CELSR2: variants seen among roughly 807,000 people sequenced by gnomAD.
The protein encoded by CELSR2 is EGF-like protein 2.
A neutral mutation model predicts 251.6 loss-of-function variants in CELSR2; 81 were observed. The observed-to-expected ratio is 0.32, with a 90% CI of 0.27 to 0.39. CELSR2 has a LOEUF of 0.39. CELSR2 is among the 10% of genes least tolerant of loss of function. The pLI, the probability that CELSR2 is intolerant of heterozygous loss-of-function variation, is 1.00. For synonymous variants in CELSR2, 1,721 were observed against 1,670.5 expected (o/e 1.03, Z -0.74); for missense variants, 3,365 against 3,947.7 (o/e 0.85, Z 3.96).
At chr1:109,270,747 A>G in intron 24 of CELSR2, 147 bp downstream of exon 24, 1 of 1,144,728 alleles carries the variant, frequency 8.7e-7, no homozygotes, top group Non-Finnish European at 1.2e-6. Context: ...GGTTTAACCC[A>G]GACTCTGCAG....
rs752490979 is a variant in CELSR2, at chr1:109,272,366, C to T, written c.8015C>T (p.Ser2672Leu). Residue 2672 changes from serine to leucine, a missense_variant, in exon 29 of 34, where the codon TCG becomes TTG. By Grantham distance (145) the Ser-to-Leu change is moderately radical. Coordinates refer to ENST00000271332, the MANE Select transcript of CELSR2 (RefSeq NM_001408.3). ...SAGSLHSTSR[S>L]GKSQPSYIPF... ...GGCTCTCTGCACAGCACCAGTCGCT[C>T]GGGCAAGAGTCAGCCCAGCTACATC... The T allele has an allele frequency of 9.9e-6, 16 of 1,612,154 alleles. No individual in the cohort carries two copies. The highest frequency in any genetic ancestry group is 1.6e-4 in the Middle Eastern group (1 of 6,078).
chr1:109,273,225 G>T lies in CELSR2; in HGVS notation c.8398G>T (p.Glu2800Ter). ...WPGDFGTTAK[E>*]SSGNGAPEER... ...AGGAGACTTTGGGACCACAGCAAAA[G>T]AGAGTAGTGGCAACGGGGCCCCTGA... The change falls in exon 32 of 34, where the codon GAG becomes TAG. Residue 2800 changes from glutamate (E) to a stop codon, truncating the protein, a stop_gained. Transcript: ENST00000271332. LOFTEE classifies it high-confidence loss of function. 6.2e-7 allele frequency: 1 copy of T among 1,613,620 alleles called. No homozygotes were observed.
rs1655717280 is a variant in CELSR2, at chr1:109,252,330, A to T, written c.2251A>T (p.Met751Leu). 6.2e-7 allele frequency: 1 copy of T among 1,613,014 alleles called. No individual in the cohort carries two copies. The highest frequency in any genetic ancestry group is 1.3e-5 in the African/African-American group (1 of 74,938). Residue 751 changes from methionine to leucine, a missense_variant, in exon 1 of 34, where the codon ATG (methionine) becomes TTG (leucine). By Grantham distance (15) the Met-to-Leu change is conservative. Coordinates refer to ENST00000271332, the MANE Select transcript of CELSR2 (RefSeq NM_001408.3). This position sits in a 1 kb window ranked among gnomAD's most constrained non-coding sequence, Gnocchi z 4.8. ...TGAGAATGCCCGCATCACCTACTTC[A>T]TGGAGGACAGCATCCCCCAGTTCCG... is the stretch of plus-strand genomic sequence containing the variant. ...TGENARITYF[M>L]EDSIPQFRID...
In CELSR2 at chr1:109,269,193, G is replaced by T. The variant is rs1371814528; in HGVS notation, c.6715G>T (p.Glu2239Ter). ...ELARRQRRHP[E>*]LSQGEAVASV... ...GGCACGGCGACAGCGACGGCACCCG[G>T]AGCTGAGCCAGGGTGAGGCTGTGGC... is the stretch of plus-strand genomic sequence containing the variant. The change falls in exon 20 of 34, where the codon GAG becomes TAG. Residue 2239 changes from glutamate to a stop codon, truncating the protein, a stop_gained. Transcript: ENST00000271332. LOFTEE classifies it high-confidence loss of function. The surrounding 1 kb of genome is among the most constrained non-coding windows in gnomAD (Gnocchi z 6.4). 6.2e-7 allele frequency: 1 copy of T among 1,612,686 alleles called. No homozygotes were observed. Among genetic ancestry groups the T allele is most frequent in the Non-Finnish European group, 8.5e-7 (1 of 1,179,762 alleles).
At chr1:109,255,552 C>T (rs570707693) in intron 1 of CELSR2, among the ~76,000 whole-genome samples, 1 of 152,358 alleles carries the variant, frequency 6.6e-6, no homozygotes, top group South Asian at 2.1e-4. Flanking sequence ...ACAGCAGAGC[C>T]CTCTTGGCCT....
intron 1 of CELSR2, among the ~76,000 whole-genome samples, chr1:109,256,018 G>A (rs1461266191): frequency 6.6e-6 from 1 of 152,210 alleles, no homozygotes; most frequent in Non-Finnish European, 1.5e-5. Flanking sequence ...CATGGCCTTG[G>A]TTGCCCCCTC....
chr1:109,273,216 A>G lies in CELSR2; in HGVS notation c.8389A>G (p.Thr2797Ala), dbSNP rs1656423370. The change falls in exon 32 of 34, where the codon ACA becomes GCA. Residue 2797 changes from threonine to alanine, a missense_variant. Thr to Ala is a moderately conservative substitution (Grantham distance 58). Transcript: ENST00000271332. ...KAPWPGDFGT[T>A]AKESSGNGAP... Reference sequence around the variant, plus strand: ...CCCCTGGCCAGGAGACTTTGGGACCACAGCAAAAGAGAGTAGTGGCAACGG... The same window carrying G: ...CCCCTGGCCAGGAGACTTTGGGACCGCAGCAAAAGAGAGTAGTGGCAACGG... The G allele has an allele frequency of 1.2e-6, 2 of 1,613,482 alleles. No individual in the cohort carries two copies. Among genetic ancestry groups the G allele is most frequent in the Non-Finnish European group, 1.7e-6 (2 of 1,179,856 alleles).
At position 109,251,577 on chromosome 1, in the gene CELSR2, G is replaced by A. The variant is rs1193826222; in HGVS notation, c.1498G>A (p.Asp500Asn). Residue 500 changes from aspartate to asparagine, a missense_variant, in exon 1 of 34, where the codon GAC becomes AAC. Physicochemically the swap from Asp to Asn is conservative, Grantham distance 23 (BLOSUM62 1). Coordinates refer to ENST00000271332, the MANE Select transcript of CELSR2 (RefSeq NM_001408.3). The surrounding 1 kb of genome is among the most constrained non-coding windows in gnomAD (Gnocchi z 4.9). ...LVTVQVLDIN[D>N]NAPIFVSTPF... ...GACAGTACAGGTCCTGGATATCAAC[G>A]ACAATGCCCCCATCTTCGTCAGCAC... 4 of 1,613,752 alleles carry A rather than the reference G, an allele frequency of 2.5e-6. No homozygotes were observed. Among genetic ancestry groups the A allele is most frequent in the Admixed American group, 1.7e-5 (1 of 60,006 alleles).
chr1:109,250,759 G>A lies in CELSR2; in HGVS notation c.680G>A (p.Arg227His), dbSNP rs1655663676. Reference sequence around the variant, plus strand: ...ACCATGGATGCCCTCTTTGATAGCCGCTCCAACCAGTTCTTCTCCCTGGAC... The same window carrying A: ...ACCATGGATGCCCTCTTTGATAGCCACTCCAACCAGTTCTTCTCCCTGGAC... ...EYTMDALFDSRSNQFFSLDPV... is the reference protein window; with the variant it reads ...EYTMDALFDSHSNQFFSLDPV... The change falls in exon 1 of 34, where the codon CGC becomes CAC. Residue 227 changes from arginine to histidine, a missense_variant. Transcript: ENST00000271332. The surrounding 1 kb of genome is among the most constrained non-coding windows in gnomAD (Gnocchi z 4.4). 4 of 1,614,042 alleles carry A rather than the reference G, an allele frequency of 2.5e-6. No individual in the cohort carries two copies. Among genetic ancestry groups the A allele is most frequent in the South Asian group, 1.1e-5 (1 of 91,080 alleles).
chr1:109,261,301 G>A lies in CELSR2; in HGVS notation c.4181+37G>A. The A allele has an allele frequency of 6.3e-7, 1 of 1,587,840 alleles. No homozygotes were observed. Among genetic ancestry groups the A allele is most frequent in the Non-Finnish European group, 8.6e-7 (1 of 1,160,896 alleles). On this transcript the variant is annotated intron_variant, in intron 3 of 33. Coordinates refer to ENST00000271332, the MANE Select transcript of CELSR2 (RefSeq NM_001408.3). This position sits in a 1 kb window ranked among gnomAD's most constrained non-coding sequence, Gnocchi z 4.8. ...GGCACTGGGGGTGGGGAGTGGGCCT[G>A]GTGGGCATCTGAGGTGCCTCCTGTT...
chr1:109,267,809 G>A, intron 16 of CELSR2, 42 bp from the exon 17 acceptor site: 1 of 1,587,414 alleles, frequency 6.3e-7, no homozygotes, highest in Non-Finnish European at 8.6e-7. Context: ...TTGCTCCAGA[G>A]TTCCTGCCCT....
In CELSR2 at chr1:109,250,862, G is replaced by T. The variant is rs756097455; in HGVS notation, c.783G>T (p.Ala261=). 1.4e-5 allele frequency: 23 copies of T among 1,614,010 alleles called. No homozygotes were observed. Among genetic ancestry groups the T allele is most frequent in the Non-Finnish European group, 1.9e-5 (22 of 1,180,034 alleles). Residue 261 remains alanine (A), a synonymous_variant, in exon 1 of 34, where the codon GCG becomes GCT. Transcript: ENST00000271332. The surrounding 1 kb of genome is among the most constrained non-coding windows in gnomAD (Gnocchi z 4.4). The part of the protein sequence containing the change: ...TKSTHVFRVT[A]QDHGMPRRSA... Reference sequence around the variant, plus strand: ...GCACCCACGTCTTCAGGGTCACGGCGCAGGACCACGGCATGCCCCGACGAA... The same window carrying T: ...GCACCCACGTCTTCAGGGTCACGGCTCAGGACCACGGCATGCCCCGACGAA...
intron 8 of CELSR2, 147 bp from the exon 9 acceptor site, chr1:109,263,464 G>C: frequency 2.9e-6 from 4 of 1,367,914 alleles, no homozygotes; most frequent in Non-Finnish European, 4.0e-6. Context: ...AGCGTGGGGC[G>C]GTCCCAGGGC....
intron 14 of CELSR2, 84 bp downstream of exon 14, chr1:109,266,002 G>A (rs1656176279): frequency 1.3e-6 from 2 of 1,581,822 alleles, no homozygotes; most frequent in Non-Finnish European, 1.7e-6. Context: ...GGGGCTGGTT[G>A]CAGGCCTGGG....
chr1:109,250,701 C>T lies in CELSR2; in HGVS notation c.622C>T (p.Pro208Ser). ...TGTTGCATCCCTGAGGGCCATCGAC[C>T]CGGACGAGGGTGAGGCAGGTCGACT... ...TPVASLRAIDPDEGEAGRLEY... is the reference protein window; with the variant it reads ...TPVASLRAIDSDEGEAGRLEY... The change falls in exon 1 of 34, where the codon CCG (proline) becomes TCG (serine). Residue 208 changes from proline to serine, a missense_variant. Physicochemically the swap from Pro to Ser is moderately conservative, Grantham distance 74 (BLOSUM62 -1). Transcript: ENST00000271332. The surrounding 1 kb of genome is among the most constrained non-coding windows in gnomAD (Gnocchi z 4.4). 1 of 1,614,104 alleles carries T rather than the reference C, an allele frequency of 6.2e-7. No individual in the cohort carries two copies. Among genetic ancestry groups the T allele is most frequent in the South Asian group, 1.1e-5 (1 of 91,088 alleles).
At position 109,270,435 on chromosome 1, in the gene CELSR2, A is replaced by G. The variant is rs554958291; in HGVS notation, c.7318A>G (p.Thr2440Ala). The G allele has an allele frequency of 6.2e-7, 1 of 1,614,056 alleles. No individual in the cohort carries two copies. Among genetic ancestry groups the G allele is most frequent in the Non-Finnish European group, 8.5e-7 (1 of 1,180,034 alleles). ...INQADLPFAC[T>A]VIAILLHFLY... ...TGGCCTGGGCCCTCAGTTTGCCTGC[A>G]CAGTCATTGCCATCCTGCTGCACTT... The change falls in exon 24 of 34, where the codon ACA becomes GCA. Residue 2440 changes from threonine to alanine, a missense_variant. This residue lies in a region of CELSR2 where 2,093 missense variants were observed against 2,382.8 expected (regional missense o/e 0.88). Transcript: ENST00000271332.
chr1:109,267,891 G>A lies in CELSR2; in HGVS notation c.6149G>A (p.Gly2050Glu), dbSNP rs569799860. ...LQRNESGLDS[G>E]RSQQLALLLR... The stretch of plus-strand genomic sequence containing the variant: ...CGGAATGAGTCAGGCCTAGACTCAG[G>A]GCGCTCCCAGCAGCTAGCCCTGCTC... The change falls in exon 17 of 34, where the codon GGG (glycine) becomes GAG (glutamate). Residue 2050 changes from glycine (G) to glutamate (E), a missense_variant. By Grantham distance (98) the Gly-to-Glu change is moderately conservative. Transcript: ENST00000271332. The A allele has an allele frequency of 6.2e-7, 1 of 1,609,812 alleles. No individual in the cohort carries two copies. Among genetic ancestry groups the A allele is most frequent in the Non-Finnish European group, 8.5e-7 (1 of 1,179,144 alleles).
rs187619889 is a variant in CELSR2 at position 109,270,988 on chromosome 1, C to T, written c.7545C>T (p.Ile2515=). The change falls in exon 25 of 34, where the codon ATC becomes ATT. Residue 2515 remains isoleucine (I), a synonymous_variant. Transcript: ENST00000271332. The part of the protein sequence containing the change: ...YGNPDFCWLS[I]YDTLIWSFAG... ...ACCCTGACTTCTGCTGGCTCTCCATCTATGACACGCTCATCTGGAGTTTTG... is the reference window on the plus strand; with the variant it reads ...ACCCTGACTTCTGCTGGCTCTCCATTTATGACACGCTCATCTGGAGTTTTG... The T allele has an allele frequency of 3.7e-6, 6 of 1,614,064 alleles. No homozygotes were observed. In the Admixed American group the frequency reaches 6.7e-5, roughly 18 times the overall value.
rs1476505181 is a variant in CELSR2 at position 109,274,954 on chromosome 1, C to G, written c.*905C>G. Reference sequence around the variant, plus strand: ...AGGAAGAGTAAACACAGTGCTGGCTCGGCTGCCCTGAGGGTGCTCAATCAA... The same window carrying G: ...AGGAAGAGTAAACACAGTGCTGGCTGGGCTGCCCTGAGGGTGCTCAATCAA... On this transcript the variant is annotated 3_prime_UTR_variant, in exon 34 of 34. Transcript: ENST00000271332. 6.6e-6 allele frequency: 1 copy of G among 152,646 alleles called. No individual in the cohort carries two copies. The highest frequency in any genetic ancestry group is 2.4e-5 in the African/African-American group (1 of 41,428). The allele number at this position is 152,646 out of a possible 1,614,324, so 9.5% of individuals were successfully genotyped here.
Sources: allele counts gnomAD v4.1 joint callset (sites outside exome capture counted in the v4.1 genomes callset), GRCh38; gene constraint gnomAD v4.1.1; regional missense constraint gnomAD v4.1.1; non-coding constraint Gnocchi (gnomAD v3.1); transcripts MANE v1.5; gene names NCBI Gene and HGNC (gene_info 2026-07-23, HGNC 2026-07-21).